Variants in LMO2 observed in about 807,000 individuals in gnomAD.
LMO2 encodes the protein LIM domain only 2.
LMO2 carries 20 observed loss-of-function variants against 23.2 expected under a neutral mutation model. That is an observed-to-expected ratio of 0.86 (90% CI 0.61 to 1.25). The LOEUF (loss-of-function observed/expected upper bound fraction) is 1.25. Ranked by LOEUF, LMO2 falls within the 50% of genes most tolerant of loss-of-function variation. The pLI, the probability that LMO2 is intolerant of heterozygous loss-of-function variation, is 0.00. For synonymous variants in LMO2, 123 were observed against 130.2 expected (o/e 0.94, Z 0.38); for missense variants, 270 against 315.3 (o/e 0.86, Z 1.09).
intron 2 of LMO2, among the ~76,000 whole-genome samples, chr11:33,873,613 T>G (rs963613838): frequency 2.0e-5 from 3 of 152,254 alleles, no homozygotes; most frequent in African/African-American, 4.8e-5. Context: ...CTTTTAAAAG[T>G]TGAGAAAATC....
intron 5 of LMO2, 75 bp from the exon 6 acceptor site, chr11:33,859,650 C>T: frequency 7.1e-7 from 1 of 1,409,560 alleles, no homozygotes; most frequent in South Asian, 1.3e-5. Flanking sequence ...GGGATGAGCC[C>T]TAGAAAGGAG....
chr11:33,879,405 C>T (rs920131921), intron 2 of LMO2, among the ~76,000 whole-genome samples: 24 of 149,466 alleles, frequency 1.6e-4, no homozygotes, highest in African/African-American at 4.9e-4. Context: ...GGATCACCTG[C>T]GGTCAGGAGT....
chr11:33,885,577 A>T (rs996528521), intron 1 of LMO2, among the ~76,000 whole-genome samples: 14 of 152,214 alleles, frequency 9.2e-5, no homozygotes, highest in Admixed American at 3.3e-4. Context: ...TAGGCAGTAG[A>T]ATTGCTTTGG....
chr11:33,884,825 A>T (rs11032434), intron 1 of LMO2, among the ~76,000 whole-genome samples: 4,443 of 152,310 alleles, frequency 0.029, 202 homozygotes, highest in African/African-American at 0.099. Context: ...GGAAGCTGGC[A>T]TATCATCTGG....
intron 3 of LMO2, 61 bp from the exon 4 acceptor site, chr11:33,869,647 G>A: frequency 3.2e-6 from 4 of 1,258,732 alleles, no homozygotes; most frequent in South Asian, 2.4e-5. Context: ...GGCCGAGGCG[G>A]GGGCCGGGGC....
intron 2 of LMO2, 164 bp downstream of exon 2, chr11:33,881,659 AT>A: frequency 3.0e-6 from 1 of 336,132 alleles, no homozygotes; most frequent in Non-Finnish European, 5.8e-6. Context: ...ACAATTCCGC[AT>A]TTTGTAATTG....
chr11:33,859,615 G>A (rs555180230), intron 5 of LMO2, 40 bp from the exon 6 acceptor site: 3 of 1,582,310 alleles, frequency 1.9e-6, no homozygotes, highest in Admixed American at 3.4e-5. Flanking sequence ...ACAGTGAAAG[G>A]GACAATCCTG....
At chr11:33,871,377 C>A (rs1857018505) in intron 2 of LMO2, among the ~76,000 whole-genome samples, 1 of 151,654 alleles carries the variant, frequency 6.6e-6, no homozygotes, top group Non-Finnish European at 1.5e-5. Flanking sequence ...CTGAGCAACA[C>A]AGTGAGACCC....
At chr11:33,871,740 A>G (rs1311693506) in intron 2 of LMO2, among the ~76,000 whole-genome samples, 2 of 152,106 alleles carry the variant, frequency 1.3e-5, no homozygotes, top group Non-Finnish European at 2.9e-5. Context: ...ATAGGTTGTG[A>G]TGAACAGTTT....
At chr11:33,871,110 G>T (rs11606830) in intron 2 of LMO2, 203,600 of 969,086 alleles carry the variant, frequency 0.21, 21,817 homozygotes, top group Middle Eastern at 0.27. Flanking sequence ...CCATTTTAAG[G>T]ATAACCAGAG....
Position 33,880,164 on chromosome 11 carries a change from TATG to T in LMO2, c.-272+1657_-272+1659del, listed in dbSNP as rs1308907202. 8.2e-5 allele frequency among the ~76,000 whole-genome samples: 3 copies of T among 36,452 alleles called. 1 individual carries two copies. The highest frequency in any genetic ancestry group is 9.0e-4 in the South Asian group (1 of 1,108). 23.9% of individuals were successfully genotyped at this position (36,452 alleles called of 152,430 possible). A position where few individuals can be genotyped will look rare whatever the true frequency, so the allele number is the denominator to read the frequency against. On this transcript the variant is annotated intron_variant, in intron 2 of 5. Coordinates refer to ENST00000257818, the MANE Select transcript of LMO2 (RefSeq NM_005574.4). The surrounding 1 kb of genome is among the most constrained non-coding windows in gnomAD (Gnocchi z 4.3). ...TATTTTATGTGTACATATATATACA[TATG>T]ATATATACACATGATATATATATCA...
chr11:33,875,235 A>G (rs1857108071), intron 2 of LMO2, among the ~76,000 whole-genome samples: 1 of 152,248 alleles, frequency 6.6e-6, no homozygotes, highest in Non-Finnish European at 1.5e-5. Context: ...AGTGGCACAT[A>G]GTCACCTTCT....
intron 1 of LMO2, among the ~76,000 whole-genome samples, chr11:33,888,937 G>A (rs962334243): frequency 2.6e-5 from 4 of 152,240 alleles, no homozygotes; most frequent in South Asian, 2.1e-4. Flanking sequence ...GGAAGGGTAC[G>A]CAACTTCTCC....
intron 1 of LMO2, among the ~76,000 whole-genome samples, chr11:33,882,956 C>T (rs980798293): frequency 2.6e-5 from 4 of 152,196 alleles, no homozygotes; most frequent in African/African-American, 4.8e-5. Context: ...TAGGCCCACA[C>T]CCAATCTCCC....
At chr11:33,865,525 C>T (rs1856749955) in intron 4 of LMO2, among the ~76,000 whole-genome samples, 3 of 152,236 alleles carry the variant, frequency 2.0e-5, no homozygotes, top group Admixed American at 6.5e-5. Flanking sequence ...AATCCCATAT[C>T]GTAAGGCCAT....
rs1856464055 is a variant in LMO2 at position 33,859,007 on chromosome 11, A to T, written c.*349T>A. The T allele has an allele frequency of 3.1e-6, 1 of 317,506 alleles. No individual in the cohort carries two copies. Among genetic ancestry groups the T allele is most frequent in the East Asian group, 4.7e-5 (1 of 21,270 alleles). The allele number at this position is 317,506 out of a possible 1,614,324, so 19.7% of individuals were successfully genotyped here. On this transcript the variant is annotated 3_prime_UTR_variant, in exon 6 of 6. Transcript: ENST00000257818. ...GTTCGCAAGCGTCAAAGTCACAACA[A>T]GTCTGTACACAACAACTCTCTATCT...
At chr11:33,883,224 C>T (rs1041050120) in intron 1 of LMO2, among the ~76,000 whole-genome samples, 1 of 152,146 alleles carries the variant, frequency 6.6e-6, no homozygotes, top group Non-Finnish European at 1.5e-5. Flanking sequence ...GTACTCAAAA[C>T]ATATTTATTA....
At chr11:33,865,914 G>C (rs899879570) in intron 4 of LMO2, among the ~76,000 whole-genome samples, 1 of 152,236 alleles carries the variant, frequency 6.6e-6, no homozygotes, top group Non-Finnish European at 1.5e-5. Flanking sequence ...ATAATAATTA[G>C]CAAGTGTTCT....
Position 33,880,171 on chromosome 11 carries a change from T to C in LMO2, c.-272+1653A>G, listed in dbSNP as rs549523378. The stretch of plus-strand genomic sequence containing the variant: ...TGTGTACATATATATACATATGATA[T>C]ATACACATGATATATATATCATATA... On this transcript the variant is annotated intron_variant, in intron 2 of 5. Coordinates refer to ENST00000257818, the MANE Select transcript of LMO2 (RefSeq NM_005574.4). The surrounding 1 kb of genome is among the most constrained non-coding windows in gnomAD (Gnocchi z 4.3). Among the ~76,000 whole-genome samples the C allele has an allele frequency of 1.8e-3, 265 of 147,168 alleles. 21 individuals carry two copies. The highest frequency in any genetic ancestry group is 6.3e-3 in the African/African-American group (255 of 40,170).
Sources: gnomAD v4.1 joint callset for allele counts (sites outside exome capture counted in the v4.1 genomes callset) on GRCh38, gnomAD v4.1.1 for gene constraint, Gnocchi (gnomAD v3.1) non-coding constraint, MANE v1.5 for transcripts, NCBI Gene and HGNC (gene_info 2026-07-23, HGNC 2026-07-21) for gene names.